Variants in TBC1D22A observed in about 807,000 individuals in gnomAD.
The protein encoded by TBC1D22A is TBC1 domain family member 22A, also known as putative GTPase activator.
A neutral mutation model predicts 60.2 loss-of-function variants in TBC1D22A; 38 were observed. That is an observed-to-expected ratio of 0.63 (90% CI 0.49 to 0.83). The LOEUF is 0.83. Among genes scored for constraint, TBC1D22A ranks in the 40% least tolerant of loss-of-function variants. The pLI is 0.00. For synonymous variants in TBC1D22A, 302 were observed against 281.7 expected (o/e 1.07, Z -0.72); for missense variants, 628 against 701.0 (o/e 0.90, Z 1.18).
rs534100455 is a variant in TBC1D22A, at chr22:47,002,559, G to A, written c.1201+4850G>A. 2.6e-3 allele frequency among the ~76,000 whole-genome samples: 400 copies of A among 152,338 alleles called. 9 individuals are homozygous for A. Among genetic ancestry groups the A allele is most frequent in the African/African-American group, 9.2e-3 (384 of 41,584 alleles). Reference sequence around the variant, plus strand: ...TTTTAAAAGAATATTTGAAACCTCAGCAGATGTGTCCATTTGATTATGTCC... The same window carrying A: ...TTTTAAAAGAATATTTGAAACCTCAACAGATGTGTCCATTTGATTATGTCC... On this transcript the variant is annotated intron_variant, in intron 10 of 12. Coordinates refer to ENST00000337137, the MANE Select transcript of TBC1D22A (RefSeq NM_014346.5).
At chr22:46,775,943 C>G (rs7286014) in intron 1 of TBC1D22A, among the ~76,000 whole-genome samples, 1 of 152,216 alleles carries the variant, frequency 6.6e-6, no homozygotes. Flanking sequence ...TTATGGGATG[C>G]GCTCTGTTTG....
chr22:46,783,456 C>T lies in TBC1D22A; in HGVS notation c.63-9064C>T, dbSNP rs551655206. Among the ~76,000 whole-genome samples, 16 of 152,282 alleles carry T rather than the reference C, an allele frequency of 1.1e-4. No individual in the cohort carries two copies. The South Asian group carries it at 1.9e-3, about 18-fold the overall frequency. ...CAGGCTGATGTAATACAGAACACAC[C>T]GTATCTCCATCCAGCATGGGAAAGA... On this transcript the variant is annotated intron_variant, in intron 1 of 12. Coordinates refer to ENST00000337137, the MANE Select transcript of TBC1D22A (RefSeq NM_014346.5).
At chr22:46,840,784 A>G (rs2086724139) in intron 4 of TBC1D22A, among the ~76,000 whole-genome samples, 1 of 152,148 alleles carries the variant, frequency 6.6e-6, no homozygotes, top group Admixed American at 6.5e-5. Flanking sequence ...AATTTGTAGA[A>G]AGGGGAACCT....
intron 8 of TBC1D22A, among the ~76,000 whole-genome samples, chr22:46,948,922 C>T (rs773555493): frequency 4.6e-5 from 7 of 152,126 alleles, no homozygotes; most frequent in Non-Finnish European, 7.3e-5. Flanking sequence ...CACTATGTGC[C>T]GGGGGTGAGA....
chr22:46,860,668 G>T (rs1057241250), intron 4 of TBC1D22A, among the ~76,000 whole-genome samples: 2 of 152,186 alleles, frequency 1.3e-5, no homozygotes, highest in African/African-American at 2.4e-5. Context: ...TTTCGATAGA[G>T]GTCTGTGCAG....
intron 10 of TBC1D22A, among the ~76,000 whole-genome samples, chr22:47,001,989 T>C (rs2061423461): frequency 6.6e-6 from 1 of 152,234 alleles, no homozygotes; most frequent in African/African-American, 2.4e-5. Flanking sequence ...GAGGGTATGC[T>C]GTTCTTTCTA....
intron 4 of TBC1D22A, among the ~76,000 whole-genome samples, chr22:46,874,187 A>G (rs766263773): frequency 3.3e-5 from 5 of 152,090 alleles, no homozygotes; most frequent in Non-Finnish European, 7.4e-5. Context: ...TCTCTCATTG[A>G]TGGGCATTTA....
At chr22:46,930,576 C>G (rs986083200) in intron 8 of TBC1D22A, among the ~76,000 whole-genome samples, 1 of 151,976 alleles carries the variant, frequency 6.6e-6, no homozygotes, top group East Asian at 1.9e-4. Flanking sequence ...CTGCCTCAGC[C>G]TCCTGAGTAG....
At chr22:47,003,259 C>G (rs1188651369) in intron 10 of TBC1D22A, among the ~76,000 whole-genome samples, 1 of 152,066 alleles carries the variant, frequency 6.6e-6, no homozygotes, top group African/African-American at 2.4e-5. Context: ...GGGGTGAGTT[C>G]TGAGTGGGGT....
At position 46,894,847 on chromosome 22, in the gene TBC1D22A, G is replaced by C; in HGVS notation, c.900+1G>C. The C allele has an allele frequency of 6.2e-7, 1 of 1,614,220 alleles. No homozygotes were observed. The highest frequency in any genetic ancestry group is 1.1e-5 in the South Asian group (1 of 91,090). ...GATCCTGCAGCCCAAGGTGACGGAG[G>C]TAAGAAGCTCTTGCCGTGGGGAGTT... On this transcript the variant is annotated splice_donor_variant, in intron 7 of 12. Coordinates refer to ENST00000337137, the MANE Select transcript of TBC1D22A (RefSeq NM_014346.5). LOFTEE classifies it high-confidence loss of function.
intron 5 of TBC1D22A, among the ~76,000 whole-genome samples, chr22:46,885,970 C>T (rs1393617056): frequency 1.4e-5 from 2 of 147,358 alleles, no homozygotes; most frequent in Admixed American, 1.4e-4. Context: ...TGCAGTGGTG[C>T]GATCTTGGCT....
At chr22:46,976,316 TC>T (rs2148139692) in intron 9 of TBC1D22A, among the ~76,000 whole-genome samples, 1 of 152,342 alleles carries the variant, frequency 6.6e-6, no homozygotes, top group African/African-American at 2.4e-5. Context: ...TTATAGCACA[TC>T]ACCGTCCCGT....
At chr22:46,878,332 A>AAGGAGGTGGGGGGAGAGG (rs2067670457) in intron 4 of TBC1D22A, among the ~76,000 whole-genome samples, 1 of 151,200 alleles carries the variant, frequency 6.6e-6, no homozygotes, top group Non-Finnish European at 1.5e-5. Flanking sequence ...GGAGAGAGAG[A>AAGGAGGTGGGGGGAGAGG]AGGAGGTGGG....
intron 11 of TBC1D22A, among the ~76,000 whole-genome samples, chr22:47,058,778 G>T (rs1320431359): frequency 6.6e-6 from 1 of 152,126 alleles, no homozygotes; most frequent in East Asian, 1.9e-4. Flanking sequence ...GCTCAGAACA[G>T]CTTCTGACCC....
chr22:47,155,567 G>A (rs2067680357), intron 12 of TBC1D22A, among the ~76,000 whole-genome samples: 1 of 152,172 alleles, frequency 6.6e-6, no homozygotes, highest in Non-Finnish European at 1.5e-5. Context: ...GACCATGTTG[G>A]GCAGATGGTT....
intron 1 of TBC1D22A, among the ~76,000 whole-genome samples, chr22:46,769,444 C>T (rs1357389042): frequency 2.0e-5 from 3 of 152,204 alleles, no homozygotes; most frequent in East Asian, 1.9e-4. Context: ...TGAACACATG[C>T]GCACAGACTG....
chr22:46,817,260 C>CTTTT (rs139583), intron 4 of TBC1D22A, among the ~76,000 whole-genome samples: 2 of 148,322 alleles, frequency 1.3e-5, no homozygotes, highest in African/African-American at 2.5e-5. Flanking sequence ...CTAGGTTGTC[C>CTTTT]TTTTTTTTTT....
chr22:46,975,622 G>A (rs1257376159), intron 9 of TBC1D22A, among the ~76,000 whole-genome samples: 1 of 152,126 alleles, frequency 6.6e-6, no homozygotes, highest in East Asian at 1.9e-4. Flanking sequence ...TGCCTAGCAG[G>A]GCTTGGCTTT....
chr22:46,836,627 C>T (rs182488292), intron 4 of TBC1D22A, among the ~76,000 whole-genome samples: 71 of 152,012 alleles, frequency 4.7e-4, no homozygotes, highest in Middle Eastern at 6.8e-3. Context: ...AAGTCCTTAC[C>T]AATCGGTAAT....
Sources: gnomAD v4.1 joint callset for allele counts (sites outside exome capture counted in the v4.1 genomes callset) on GRCh38, gnomAD v4.1.1 for gene constraint, MANE v1.5 for transcripts, NCBI Gene and HGNC (gene_info 2026-07-23, HGNC 2026-07-21) for gene names.